Variants in SAV1 observed in about 807,000 individuals in gnomAD.
SAV1 encodes the protein salvador family WW domain containing protein 1.
SAV1 carries 23 observed loss-of-function variants against 47.3 expected under a neutral mutation model. That is an observed-to-expected ratio of 0.49 (90% CI 0.35 to 0.69). The LOEUF (loss-of-function observed/expected upper bound fraction) is 0.69. SAV1 is among the 30% of genes least tolerant of loss of function. The probability of loss-of-function intolerance (pLI) is 0.01; values close to 1 mark genes in which losing one functional copy is unlikely to be tolerated. For synonymous variants in SAV1, 155 were observed against 159.2 expected (o/e 0.97, Z 0.20); for missense variants, 448 against 457.4 (o/e 0.98, Z 0.19).
At chr14:50,645,090 C>T in intron 2 of SAV1, 76 bp from the exon 3 acceptor site, 1 of 1,283,402 alleles carries the variant, frequency 7.8e-7, no homozygotes, top group Non-Finnish European at 1.1e-6. Flanking sequence ...CTAGCAAAGT[C>T]ACAACATTAA....
intron 2 of SAV1, among the ~76,000 whole-genome samples, chr14:50,649,380 A>C (rs2039748917): frequency 6.6e-6 from 1 of 152,242 alleles, no homozygotes; most frequent in Admixed American, 6.5e-5. Context: ...TCCAGTCTCT[A>C]GAACAGTGTC....
chr14:50,651,152 C>T lies in SAV1; in HGVS notation c.536-6138G>A, dbSNP rs555343737. ...CTGAGTCAGAATGACCTGGCTAAGCCGCTTCCAAAATCCTGAACCACAGAA... is the reference window on the plus strand; with the variant it reads ...CTGAGTCAGAATGACCTGGCTAAGCTGCTTCCAAAATCCTGAACCACAGAA... On this transcript the variant is annotated intron_variant, in intron 2 of 4. Coordinates refer to ENST00000324679, the MANE Select transcript of SAV1 (RefSeq NM_021818.4). Among the ~76,000 whole-genome samples the T allele has an allele frequency of 1.2e-4, 19 of 152,242 alleles. No individual in the cohort carries two copies. In the South Asian group the frequency reaches 2.1e-3, roughly 17 times the overall value.
At chr14:50,644,705 T>A (rs996744387) in intron 3 of SAV1, 39 bp downstream of exon 3, 1 of 1,574,790 alleles carries the variant, frequency 6.4e-7, no homozygotes, top group Non-Finnish European at 8.7e-7. Flanking sequence ...CATTAGACAA[T>A]CCCGAAACAA....
intron 1 of SAV1, among the ~76,000 whole-genome samples, chr14:50,666,750 T>C (rs1176177367): frequency 2.7e-5 from 4 of 147,524 alleles, no homozygotes; most frequent in Non-Finnish European, 4.5e-5. Context: ...GCCAGAAACC[T>C]AACTGCATGT....
chr14:50,667,739 G>T, intron 1 of SAV1, 135 bp downstream of exon 1: 1 of 664,432 alleles, frequency 1.5e-6, no homozygotes, highest in Non-Finnish European at 2.5e-6. Context: ...TCAGACACAA[G>T]AAAATCTCAA....
rs538633723 is a variant in SAV1, at chr14:50,668,140, T to A, written c.-173A>T. 40 of 337,584 alleles carry A rather than the reference T, an allele frequency of 1.2e-4. No homozygotes were observed. The South Asian group carries it at 2.4e-3, about 20-fold the overall frequency. The allele number at this position is 337,584 out of a possible 1,614,324, so 20.9% of individuals were successfully genotyped here. On this transcript the variant is annotated 5_prime_UTR_variant, in exon 1 of 5. Transcript: ENST00000324679. ...GGTCGCCCGCAGGGACTGCCGCATG[T>A]TCAGGGCGCTAAGCGCGCCGGCCGC...
At chr14:50,641,978 G>A (rs188839493) in intron 3 of SAV1, among the ~76,000 whole-genome samples, 2 of 152,228 alleles carry the variant, frequency 1.3e-5, no homozygotes, top group African/African-American at 4.8e-5. Flanking sequence ...TCAATGGTGG[G>A]CTGGATAAAG....
rs1163197331 is a variant in SAV1 at position 50,640,832 on chromosome 14, G to C, written c.868C>G (p.Gln290Glu). Residue 290 changes from glutamine (Q) to glutamate (E), a missense_variant, in exon 4 of 5, where the codon CAG becomes GAG. Coordinates refer to ENST00000324679, the MANE Select transcript of SAV1 (RefSeq NM_021818.4). Reference sequence around the variant, plus strand: ...GGATTTGCAGGTACCAGAAGGGACTGATTTCTTTCAGTTTGCTGTGGCTGG... The same window carrying C: ...GGATTTGCAGGTACCAGAAGGGACTCATTTCTTTCAGTTTGCTGTGGCTGG... ...TYQPQQTERN[Q>E]SLLVPANPYH... 8 of 1,613,748 alleles carry C rather than the reference G, an allele frequency of 5.0e-6. No homozygotes were observed. In the African/African-American group the frequency reaches 9.3e-5, roughly 19 times the overall value.
intron 2 of SAV1, among the ~76,000 whole-genome samples, chr14:50,646,877 A>G (rs964276797): frequency 6.6e-6 from 1 of 152,206 alleles, no homozygotes; most frequent in Non-Finnish European, 1.5e-5. Context: ...ATTAATCAAG[A>G]CAGTATGGTA....
rs565677431 is a variant in SAV1, at chr14:50,634,047, A to C, written c.*1136T>G. The stretch of plus-strand genomic sequence containing the variant: ...ATATACATTCGATTTAATGACCAAA[A>C]ATTTTTTTTGAATCCCTGGTTGTCA... On this transcript the variant is annotated 3_prime_UTR_variant, in exon 5 of 5. Coordinates refer to ENST00000324679, the MANE Select transcript of SAV1 (RefSeq NM_021818.4). 3.4e-6 allele frequency: 1 copy of C among 295,442 alleles called. No homozygotes were observed. The highest frequency in any genetic ancestry group is 2.9e-5 in the South Asian group (1 of 34,844). The allele number at this position is 295,442 out of a possible 1,614,324, so 18.3% of individuals were successfully genotyped here.
rs768577880 is a variant in SAV1, at chr14:50,634,473, C to T, written c.*710G>A. ...AAGCCATCCTCTGACCTCAGCCTCC[C>T]AAGTAGCTGGGACTAGAGGCACACA... On this transcript the variant is annotated 3_prime_UTR_variant, in exon 5 of 5. Coordinates refer to ENST00000324679, the MANE Select transcript of SAV1 (RefSeq NM_021818.4). 1.4e-3 allele frequency: 270 copies of T among 192,606 alleles called. No individual in the cohort carries two copies. Among genetic ancestry groups the T allele is most frequent in the Middle Eastern group, 6.6e-3 (3 of 456 alleles). The allele number at this position is 192,606 out of a possible 1,614,324, so 11.9% of individuals were successfully genotyped here.
At chr14:50,663,466 T>A (rs932550399) in intron 2 of SAV1, among the ~76,000 whole-genome samples, 10 of 152,242 alleles carry the variant, frequency 6.6e-5, no homozygotes, top group Non-Finnish European at 1.5e-4. Context: ...TTCTTTAACC[T>A]AATTCCTTAA....
Position 50,644,879 on chromosome 14 carries a change from G to A in SAV1, c.671C>T (p.Thr224Ile), listed in dbSNP as rs2039708241. Residue 224 changes from threonine to isoleucine, a missense_variant, in exon 3 of 5, where the codon ACA becomes ATA. By Grantham distance (89) the Thr-to-Ile change is moderately conservative. Coordinates refer to ENST00000324679, the MANE Select transcript of SAV1 (RefSeq NM_021818.4). The stretch of plus-strand genomic sequence containing the variant: ...CTCAAGAGGATGGCTCCAGTGAGTT[G>A]TATTTGTGTTATGATCTATATAATA... ...RKYYIDHNTNTTHWSHPLERE... is the reference protein window; with the variant it reads ...RKYYIDHNTNITHWSHPLERE... The A allele has an allele frequency of 1.9e-6, 3 of 1,614,008 alleles. No individual in the cohort carries two copies. Among genetic ancestry groups the A allele is most frequent in the Non-Finnish European group, 2.5e-6 (3 of 1,180,026 alleles).
intron 2 of SAV1, among the ~76,000 whole-genome samples, chr14:50,650,239 T>C (rs959287908): frequency 6.6e-6 from 1 of 152,224 alleles, no homozygotes; most frequent in East Asian, 1.9e-4. Context: ...ACATCTATAG[T>C]TGCAAAAGGC....
At chr14:50,651,100 G>C (rs916720733) in intron 2 of SAV1, among the ~76,000 whole-genome samples, 1 of 151,892 alleles carries the variant, frequency 6.6e-6, no homozygotes, top group African/African-American at 2.4e-5. Context: ...CAGCTGACGT[G>C]TGTGAACTCC....
intron 4 of SAV1, among the ~76,000 whole-genome samples, chr14:50,635,637 G>A (rs975922300): frequency 2.0e-5 from 3 of 152,110 alleles, no homozygotes; most frequent in African/African-American, 7.2e-5. Flanking sequence ...AACATAGCAA[G>A]ACCCTGTTTC....
chr14:50,666,195 G>A (rs1426164402), intron 1 of SAV1, among the ~76,000 whole-genome samples: 6 of 152,118 alleles, frequency 3.9e-5, no homozygotes, highest in African/African-American at 1.4e-4. Context: ...AAGCTAGAAA[G>A]CCAAAAATTT....
At chr14:50,663,734 T>C (rs920930199) in intron 2 of SAV1, among the ~76,000 whole-genome samples, 2 of 152,190 alleles carry the variant, frequency 1.3e-5, no homozygotes, top group Non-Finnish European at 2.9e-5. Flanking sequence ...AATCCTCTTT[T>C]CTCTAGGAAT....
chr14:50,644,696 A>T, intron 3 of SAV1, 48 bp downstream of exon 3: 1 of 1,559,204 alleles, frequency 6.4e-7, no homozygotes, highest in Non-Finnish European at 8.7e-7. Flanking sequence ...AAAACCTAAC[A>T]TTAGACAATC....
Sources: allele counts gnomAD v4.1 joint callset (sites outside exome capture counted in the v4.1 genomes callset), GRCh38; gene constraint gnomAD v4.1.1; transcripts MANE v1.5; gene names NCBI Gene and HGNC (gene_info 2026-07-23, HGNC 2026-07-21).